Variants in GRIK3 observed in about 807,000 individuals in gnomAD.
GRIK3 encodes the protein glutamate receptor ionotropic, kainate 3.
GRIK3 carries 29 observed loss-of-function variants against 102.5 expected under a neutral mutation model. That is an observed-to-expected ratio of 0.28 (90% confidence interval 0.21 to 0.39). The LOEUF (loss-of-function observed/expected upper bound fraction) is 0.39. Ranked by LOEUF, GRIK3 falls within the 10% of genes least tolerant of loss-of-function variation. The pLI, the probability that GRIK3 is intolerant of heterozygous loss-of-function variation, is 1.00. For missense variants in GRIK3, 908 were observed against 1,252.4 expected (o/e 0.73, Z 4.15); for synonymous variants, 511 against 504.9 (o/e 1.01, Z -0.16).
intron 5 of GRIK3, among the ~76,000 whole-genome samples, chr1:36,864,841 AT>A (rs570003008): frequency 0.027 from 3,637 of 134,060 alleles, 53 homozygotes; most frequent in East Asian, 0.11. Context: ...GTCCAGCTCC[AT>A]TTTTTTTTTT....
chr1:36,965,804 C>T (rs1642072171), intron 1 of GRIK3, among the ~76,000 whole-genome samples: 1 of 152,176 alleles, frequency 6.6e-6, no homozygotes, highest in Non-Finnish European at 1.5e-5. Context: ...AGCAAAAATA[C>T]TATTTGTTTC....
chr1:36,942,811 A>C (rs1641742229), intron 1 of GRIK3, among the ~76,000 whole-genome samples: 1 of 152,064 alleles, frequency 6.6e-6, no homozygotes, highest in Non-Finnish European at 1.5e-5. Flanking sequence ...CTGGGCACTA[A>C]CCATCCCAGG....
At chr1:36,932,131 T>C (rs1446807844) in intron 1 of GRIK3, among the ~76,000 whole-genome samples, 1 of 152,160 alleles carries the variant, frequency 6.6e-6, no homozygotes, top group African/African-American at 2.4e-5. Flanking sequence ...CTCCGCTTGT[T>C]TCTCCTTCCT....
At chr1:36,881,181 C>T (rs578246465) in intron 2 of GRIK3, among the ~76,000 whole-genome samples, 21 of 152,240 alleles carry the variant, frequency 1.4e-4, no homozygotes, top group African/African-American at 4.3e-4. Context: ...AAAGTGATCA[C>T]CACATTCAAT....
At position 37,030,541 on chromosome 1, in the gene GRIK3, CA is replaced by C. The variant is rs1557470052; in HGVS notation, c.115+3452del. Among the ~76,000 whole-genome samples, 260 of 110,822 alleles carry C rather than the reference CA, an allele frequency of 2.3e-3. 2 individuals are homozygous for C. The highest frequency in any genetic ancestry group is 9.9e-3 in the African/African-American group (212 of 21,414). 72.7% of individuals were successfully genotyped at this position (110,822 alleles called of 152,430 possible). A position where few individuals can be genotyped will look rare whatever the true frequency, so the allele number is the denominator to read the frequency against. ...CCAACCCTTCCTTTTCCCCACCCCC[CA>C]CCCCCTCCCCCCCCCCAACACCTGC... On this transcript the variant is annotated intron_variant, in intron 1 of 15. Transcript: ENST00000373091.
chr1:36,952,439 T>G (rs1470728811), intron 1 of GRIK3, among the ~76,000 whole-genome samples: 1 of 152,236 alleles, frequency 6.6e-6, no homozygotes, highest in African/African-American at 2.4e-5. Context: ...CAGTCAAATC[T>G]GGATGTGAAC....
intron 10 of GRIK3, among the ~76,000 whole-genome samples, chr1:36,839,883 C>A (rs1229651084): frequency 6.6e-6 from 1 of 152,198 alleles, no homozygotes; most frequent in Non-Finnish European, 1.5e-5. Context: ...CCTCCCTCCC[C>A]ACTTGCGACC....
chr1:36,841,717 T>C lies in GRIK3; in HGVS notation c.1530+19A>G, dbSNP rs754509207. ...CTCCCCAGGGTCCTGAGCCCTCCCA[T>C]GCTCCCATCCATGCTTACGTGGTCG... On this transcript the variant is annotated intron_variant, in intron 10 of 15. Transcript: ENST00000373091. 5.5e-5 allele frequency: 89 copies of C among 1,603,818 alleles called. No individual in the cohort carries two copies. Among genetic ancestry groups the C allele is most frequent in the Middle Eastern group, 1.7e-4 (1 of 6,042 alleles).
chr1:37,030,327 G>A (rs1642807958), intron 1 of GRIK3, among the ~76,000 whole-genome samples: 1 of 152,164 alleles, frequency 6.6e-6, no homozygotes, highest in Admixed American at 6.5e-5. Flanking sequence ...AGAGATGAAT[G>A]TTTAGGATAA....
chr1:36,917,909 C>A (rs971162200), intron 1 of GRIK3, among the ~76,000 whole-genome samples: 3 of 152,130 alleles, frequency 2.0e-5, no homozygotes, highest in Non-Finnish European at 4.4e-5. Context: ...AGGACTCATA[C>A]CCCCACCCCC....
intron 1 of GRIK3, among the ~76,000 whole-genome samples, chr1:36,943,778 T>G (rs1055411374): frequency 6.6e-6 from 1 of 152,254 alleles, no homozygotes; most frequent in African/African-American, 2.4e-5. Context: ...GGCTCTAGGA[T>G]GAGCAAGGCA....
At chr1:36,958,441 C>CGAGTCTGTGTGCCCTGT (rs1641953088) in intron 1 of GRIK3, among the ~76,000 whole-genome samples, 1 of 101,568 alleles carries the variant, frequency 9.8e-6, no homozygotes, top group Non-Finnish European at 2.0e-5. Flanking sequence ...CTCTGTGCCC[C>CGAGTCTGTGTGCCCTGT]GAGTCTGTGT....
At chr1:37,021,120 GTGTC>G (rs1404505200) in intron 1 of GRIK3, among the ~76,000 whole-genome samples, 2 of 137,412 alleles carry the variant, frequency 1.5e-5, no homozygotes, top group African/African-American at 2.9e-5. Context: ...GTGTGTGTGT[GTGTC>G]TGTGAGAGAG....
At chr1:36,954,518 C>T (rs1570819994) in intron 1 of GRIK3, among the ~76,000 whole-genome samples, 2 of 152,192 alleles carry the variant, frequency 1.3e-5, no homozygotes, top group Admixed American at 1.3e-4. Context: ...GGGTTCTGGG[C>T]AAGGCAGCAT....
chr1:36,817,832 C>T (rs1473435477), intron 12 of GRIK3, among the ~76,000 whole-genome samples: 2 of 151,986 alleles, frequency 1.3e-5, no homozygotes, highest in Non-Finnish European at 2.9e-5. Flanking sequence ...GGTGCTGCAA[C>T]GATATAATTT....
At chr1:36,883,673 C>T (rs1448597468) in intron 2 of GRIK3, among the ~76,000 whole-genome samples, 2 of 152,184 alleles carry the variant, frequency 1.3e-5, no homozygotes, top group Non-Finnish European at 2.9e-5. Flanking sequence ...CCACTGACTC[C>T]TTGTCCCGGG....
At chr1:36,828,684 C>T (rs764074072) in intron 10 of GRIK3, among the ~76,000 whole-genome samples, 2 of 152,228 alleles carry the variant, frequency 1.3e-5, no homozygotes, top group Non-Finnish European at 2.9e-5. Context: ...GTTCTGTCCT[C>T]ACTCCAAAGT....
chr1:36,933,861 T>G (rs1641623945), intron 1 of GRIK3, among the ~76,000 whole-genome samples: 1 of 152,188 alleles, frequency 6.6e-6, no homozygotes, highest in Non-Finnish European at 1.5e-5. Context: ...CACTGCCCTC[T>G]CTTCGACCTT....
chr1:36,842,343 T>C (rs1408124435), intron 9 of GRIK3, among the ~76,000 whole-genome samples: 6 of 152,168 alleles, frequency 3.9e-5, no homozygotes, highest in Admixed American at 2.6e-4. Context: ...ATGCACATTC[T>C]CAGGCCCCAC....
Sources: gnomAD v4.1 joint callset for allele counts (sites outside exome capture counted in the v4.1 genomes callset) on GRCh38, gnomAD v4.1.1 for gene constraint, MANE v1.5 for transcripts, NCBI Gene and HGNC (gene_info 2026-07-23, HGNC 2026-07-21) for gene names.